The following PCDHA4 variants were observed in gnomAD, a reference collection of about 807,000 sequenced individuals.
The protein encoded by PCDHA4 is protocadherin alpha 4.
In PCDHA4, 49 loss-of-function variants were observed where a neutral mutation model predicts 61.4. The ratio of observed to expected loss-of-function variants is 0.80; its 90% CI spans 0.63 to 1.01. The LOEUF (loss-of-function observed/expected upper bound fraction) is 1.01. Among genes scored for constraint, PCDHA4 ranks in the 50% least tolerant of loss-of-function variants. The probability of loss-of-function intolerance (pLI) is 0.00; values close to 1 mark genes in which losing one functional copy is unlikely to be tolerated. For synonymous variants in PCDHA4, 590 were observed against 550.3 expected (o/e 1.07, Z -1.01); for missense variants, 1,254 against 1,235.8 (o/e 1.01, Z -0.22).
intron 1 of PCDHA4, among the ~76,000 whole-genome samples, chr5:140,901,959 A>G (rs1163639408): frequency 6.6e-6 from 1 of 152,076 alleles, no homozygotes; most frequent in Admixed American, 6.6e-5. Flanking sequence ...ATTCGTGGCT[A>G]TCGTAAATGG....
intron 1 of PCDHA4, among the ~76,000 whole-genome samples, chr5:140,973,378 A>C (rs1453357452): frequency 6.6e-6 from 1 of 152,238 alleles, no homozygotes; most frequent in Non-Finnish European, 1.5e-5. Context: ...CAATGGTCAG[A>C]ATAGACAAAG....
In PCDHA4 at chr5:140,838,333, C is replaced by G. The variant is rs2150288073; in HGVS notation, c.2385+28761C>G. 4.4e-4 allele frequency among the ~76,000 whole-genome samples: 66 copies of G among 149,884 alleles called. 1 individual carries two copies. In the East Asian group the frequency reaches 0.012, roughly 26 times the overall value. ...GAAACAGAGTTTCACCATGTTGCCC[C>G]GGCTGGTCTCGAAATCTGGGACTCA... On this transcript the variant is annotated intron_variant, in intron 1 of 3. Transcript: ENST00000530339.
chr5:140,885,290 A>G (rs1344746797), intron 1 of PCDHA4, among the ~76,000 whole-genome samples: 2 of 152,190 alleles, frequency 1.3e-5, no homozygotes, highest in African/African-American at 4.8e-5. Context: ...ATATATAGAG[A>G]GAGACCTGGT....
Position 140,842,156 on chromosome 5 carries a change from T to G in PCDHA4, c.2385+32584T>G, listed in dbSNP as rs2150330678. 3.3e-5 allele frequency: 54 copies of G among 1,613,784 alleles called. 1 individual carries two copies. The South Asian group carries it at 5.9e-4, about 18-fold the overall frequency. ...TGAAGGAGCCAATGGGGCAATTTCA[T>G]ATTCTTTTAATAGCCTTGTTGAAAC... On this transcript the variant is annotated intron_variant, in intron 1 of 3. Coordinates refer to ENST00000530339, the MANE Select transcript of PCDHA4 (RefSeq NM_018907.4).
chr5:140,828,044 C>T, intron 1 of PCDHA4: 1 of 1,542,076 alleles, frequency 6.5e-7, no homozygotes, highest in Non-Finnish European at 8.7e-7. Flanking sequence ...AGTATTTTAT[C>T]TTTATGCGGA....
intron 1 of PCDHA4, chr5:140,824,185 C>A: frequency 6.2e-7 from 1 of 1,603,316 alleles, no homozygotes; most frequent in Non-Finnish European, 8.5e-7. Flanking sequence ...TATTAAATGT[C>A]ACATTCACCC....
rs2150442306 is a variant in PCDHA4 at position 140,849,604 on chromosome 5, C to T, written c.2385+40032C>T. 16 of 1,598,568 alleles carry T rather than the reference C, an allele frequency of 1.0e-5. 2 individuals are homozygous for T. The highest frequency in any genetic ancestry group is 1.4e-5 in the Non-Finnish European group (16 of 1,167,944). On this transcript the variant is annotated intron_variant, in intron 1 of 3. Coordinates refer to ENST00000530339, the MANE Select transcript of PCDHA4 (RefSeq NM_018907.4). ...GACGCACAACTGGGGACAGTTATTG[C>T]CCTGATTAGTGTGATCGACCTAGAC... is the stretch of plus-strand genomic sequence containing the variant.
chr5:140,869,205 C>G, intron 1 of PCDHA4: 1 of 1,613,994 alleles, frequency 6.2e-7, no homozygotes. Flanking sequence ...TCCACTACTC[C>G]GTCTCGGAGG....
At chr5:140,955,102 C>A (rs2095137498) in intron 1 of PCDHA4, among the ~76,000 whole-genome samples, 1 of 151,988 alleles carries the variant, frequency 6.6e-6, no homozygotes, top group Admixed American at 6.6e-5. Context: ...GGTGTTATTT[C>A]TGAGTTCTCT....
At chr5:140,841,345 G>A in intron 1 of PCDHA4, 2 of 1,612,666 alleles carry the variant, frequency 1.2e-6, no homozygotes, top group East Asian at 2.2e-5. Flanking sequence ...GGCGAGGAGA[G>A]CTGGGATCCT....
At chr5:140,941,618 C>A (rs532721732) in intron 1 of PCDHA4, among the ~76,000 whole-genome samples, 1 of 151,904 alleles carries the variant, frequency 6.6e-6, no homozygotes, top group African/African-American at 2.4e-5. Context: ...CCCAGCCCAT[C>A]CTGCTTCTTA....
chr5:140,848,135 C>CT, intron 1 of PCDHA4: 1 of 194,926 alleles, frequency 5.1e-6, no homozygotes, highest in Non-Finnish European at 1.1e-5. Flanking sequence ...TCATACAAAA[C>CT]TTTTAGAGGC....
At chr5:140,875,577 C>G in intron 1 of PCDHA4, 1 of 1,614,082 alleles carries the variant, frequency 6.2e-7, no homozygotes, top group Non-Finnish European at 8.5e-7. Context: ...ACTACTCCGT[C>G]TACGAGGAGG....
At chr5:140,946,019 C>T (rs1014072062) in intron 1 of PCDHA4, among the ~76,000 whole-genome samples, 2 of 151,732 alleles carry the variant, frequency 1.3e-5, no homozygotes, top group African/African-American at 2.4e-5. Context: ...TCCTGCGCAG[C>T]AAAGAAAACA....
intron 1 of PCDHA4, among the ~76,000 whole-genome samples, chr5:140,937,898 T>C (rs11950543): frequency 0.02 from 2,906 of 145,270 alleles, 39 homozygotes; most frequent in East Asian, 0.058. Flanking sequence ...GGCGACAGAG[T>C]GAGACTCCGT....
At chr5:140,832,439 G>A (rs1771989250) in intron 1 of PCDHA4, among the ~76,000 whole-genome samples, 1 of 152,132 alleles carries the variant, frequency 6.6e-6, no homozygotes, top group Admixed American at 6.6e-5. Context: ...TAATTTTTAA[G>A]CGTGTAATTA....
intron 1 of PCDHA4, among the ~76,000 whole-genome samples, chr5:140,891,954 G>C (rs782159289): frequency 4.6e-5 from 7 of 152,318 alleles, no homozygotes; most frequent in Admixed American, 6.5e-5. Flanking sequence ...CTCCAGAATT[G>C]TGAGAAGTAA....
rs1342030965 is a variant in PCDHA4 at position 140,955,208 on chromosome 5, C to G, written c.2386-23741C>G. ...GGTGTATATGAAGTCAATCAAGTAG[C>G]ATGATGCCTCCAGCTTTGTTCTTTT... On this transcript the variant is annotated intron_variant, in intron 1 of 3. Transcript: ENST00000530339. 2.6e-5 allele frequency among the ~76,000 whole-genome samples: 4 copies of G among 152,140 alleles called. No individual in the cohort carries two copies. In the East Asian group the frequency reaches 7.7e-4, roughly 29 times the overall value.
At chr5:140,990,981 A>G (rs1554251870) in intron 3 of PCDHA4, among the ~76,000 whole-genome samples, 1 of 152,206 alleles carries the variant, frequency 6.6e-6, no homozygotes, top group Non-Finnish European at 1.5e-5. Context: ...AGAAAGGAAG[A>G]CAATAGCTAC....
Sources: gnomAD v4.1 joint callset for allele counts (sites outside exome capture counted in the v4.1 genomes callset) on GRCh38, gnomAD v4.1.1 for gene constraint, MANE v1.5 for transcripts, NCBI Gene and HGNC (gene_info 2026-07-23, HGNC 2026-07-21) for gene names.